ESD: variants seen among roughly 807,000 people sequenced by gnomAD.
ESD encodes S-formylglutathione hydrolase.
ESD carries 34 observed loss-of-function variants against 38.1 expected under a neutral mutation model. The observed-to-expected ratio is 0.89, with a 90% CI of 0.68 to 1.19. The LOEUF is 1.19. ESD is among the 50% of genes most tolerant of loss of function. ESD has a pLI of 0.00. For missense variants in ESD, 334 were observed against 327.2 expected (o/e 1.02, Z -0.16); for synonymous variants, 97 against 107.0 (o/e 0.91, Z 0.58).
intron 4 of ESD, 133 bp downstream of exon 4, chr13:46,786,888 T>C (rs1875211341): frequency 2.3e-6 from 1 of 427,228 alleles, no homozygotes; most frequent in South Asian, 9.1e-5. Context: ...AGTAACAGAG[T>C]AGACTATGAC....
At position 46,791,253 on chromosome 13, in the gene ESD, G is replaced by T. The variant is rs997167; in HGVS notation, c.68+93C>A. 110,530 of 859,686 alleles carry T rather than the reference G, an allele frequency of 0.13. 9,670 individuals are homozygous for T. The highest frequency in any genetic ancestry group is 0.38 in the East Asian group (14,433 of 37,988). 53.3% of individuals were successfully genotyped at this position (859,686 alleles called of 1,614,324 possible). On this transcript the variant is annotated intron_variant, in intron 3 of 9. Coordinates refer to ENST00000378720, the MANE Select transcript of ESD (RefSeq NM_001984.2). ...TAAGCAAGTTTAAAAGTAAAATGAGGTACTATAATATCTAGATAAAGATTG... is the reference window on the plus strand; with the variant it reads ...TAAGCAAGTTTAAAAGTAAAATGAGTTACTATAATATCTAGATAAAGATTG...
At chr13:46,773,553 T>G (rs1874687531) in intron 9 of ESD, among the ~76,000 whole-genome samples, 1 of 152,148 alleles carries the variant, frequency 6.6e-6, no homozygotes, top group South Asian at 2.1e-4. Flanking sequence ...ATAGAGCTAA[T>G]AAAAATATCA....
intron 1 of ESD, among the ~76,000 whole-genome samples, chr13:46,795,758 T>C (rs79812503): frequency 1.0e-5 from 1 of 96,220 alleles, no homozygotes; most frequent in Admixed American, 9.8e-5. Context: ...TTTTTCTTCT[T>C]TTTTTTTTTT....
chr13:46,778,667 C>T (rs967877692), intron 8 of ESD, among the ~76,000 whole-genome samples: 1 of 151,736 alleles, frequency 6.6e-6, no homozygotes, highest in South Asian at 2.1e-4. Flanking sequence ...TCACCATTTT[C>T]GTGACAAAAC....
At chr13:46,772,101 C>T (rs1168536443) in intron 9 of ESD, among the ~76,000 whole-genome samples, 1 of 152,102 alleles carries the variant, frequency 6.6e-6, no homozygotes, top group Non-Finnish European at 1.5e-5. Flanking sequence ...CAAACACAGC[C>T]ATCATAAATC....
chr13:46,775,645 C>T (rs1447953765), intron 9 of ESD: 1 of 470,436 alleles, frequency 2.1e-6, no homozygotes, highest in Non-Finnish European at 4.4e-6. Flanking sequence ...CAACGAATCT[C>T]AACGAAATCC....
chr13:46,790,851 C>T (rs41284191), intron 3 of ESD, among the ~76,000 whole-genome samples: 2 of 152,064 alleles, frequency 1.3e-5, no homozygotes, highest in Non-Finnish European at 2.9e-5. Context: ...CATTTGTATT[C>T]CTGCTTCTAA....
At chr13:46,791,503 A>G in intron 2 of ESD, 83 bp from the exon 3 acceptor site, 1 of 981,330 alleles carries the variant, frequency 1.0e-6, no homozygotes, top group Admixed American at 2.4e-5. Flanking sequence ...CTTCAGATAA[A>G]TTATCTGAAC....
At chr13:46,787,247 G>T (rs1339496532) in intron 3 of ESD, 138 bp from the exon 4 acceptor site, 4 of 482,206 alleles carry the variant, frequency 8.3e-6, no homozygotes, top group Non-Finnish European at 1.1e-5. Context: ...AAAATAAGTG[G>T]TTCCACTAAC....
chr13:46,781,396 A>G, intron 7 of ESD, 100 bp downstream of exon 7: 1 of 1,115,468 alleles, frequency 9.0e-7, no homozygotes, highest in Non-Finnish European at 1.2e-6. Flanking sequence ...AGAAAAGTTT[A>G]GTTCCAATAC....
At chr13:46,778,058 T>A (rs533489627) in intron 8 of ESD, among the ~76,000 whole-genome samples, 7 of 152,000 alleles carry the variant, frequency 4.6e-5, no homozygotes, top group African/African-American at 1.7e-4. Context: ...TCTTTTTTTT[T>A]ATGTCTCTTC....
intron 1 of ESD, among the ~76,000 whole-genome samples, chr13:46,794,616 T>C (rs903766373): frequency 7.9e-5 from 12 of 152,172 alleles, no homozygotes; most frequent in African/African-American, 2.2e-4. Context: ...AAGTTTTCCA[T>C]AAATCTCTAC....
At position 46,783,700 on chromosome 13, in the gene ESD, A is replaced by C. The variant is rs115185023; in HGVS notation, c.256+552T>G. ...CCAGCCATATAACTTCCCTAGTTTT[A>C]CTGCCATTTAAATTCCATTTCCTGA... On this transcript the variant is annotated intron_variant, in intron 5 of 9. Transcript: ENST00000378720. 6.2e-3 allele frequency among the ~76,000 whole-genome samples: 950 copies of C among 152,084 alleles called. 11 individuals are homozygous for C. The highest frequency in any genetic ancestry group is 0.021 in the African/African-American group (887 of 41,534).
chr13:46,775,440 T>C (rs1309727340), intron 9 of ESD: 2 of 284,532 alleles, frequency 7.0e-6, no homozygotes, highest in Non-Finnish European at 1.4e-5. Flanking sequence ...ATATCCCCTA[T>C]TATTTTCAGC....
rs746426710 is a variant in ESD, at chr13:46,784,232, T to C, written c.256+20A>G. ...AAGATTTAGATTTTTACAAAGGATA[T>C]CTAGACCACAAACACTTACGAGGGC... is the stretch of plus-strand genomic sequence containing the variant. On this transcript the variant is annotated intron_variant, in intron 5 of 9. Transcript: ENST00000378720. 16 of 1,582,412 alleles carry C rather than the reference T, an allele frequency of 1.0e-5. No homozygotes were observed. In the Middle Eastern group the frequency reaches 1.2e-3, roughly 115 times the overall value.
At position 46,775,388 on chromosome 13, in the gene ESD, G is replaced by C. The variant is rs555048054; in HGVS notation, c.768+2068C>G. Reference sequence around the variant, plus strand: ...AGTTGAGTAAATCATGTGCATGATTGTAATTATTTTCTTTATTCTTTCTCA... The same window carrying C: ...AGTTGAGTAAATCATGTGCATGATTCTAATTATTTTCTTTATTCTTTCTCA... On this transcript the variant is annotated intron_variant, in intron 9 of 9. Coordinates refer to ENST00000378720, the MANE Select transcript of ESD (RefSeq NM_001984.2). The C allele has an allele frequency of 1.6e-3, 360 of 218,910 alleles. 3 individuals are homozygous for C. In the Middle Eastern group the frequency reaches 0.018, roughly 11 times the overall value. 13.6% of individuals were successfully genotyped at this position (218,910 alleles called of 1,614,324 possible). A position where few individuals can be genotyped will look rare whatever the true frequency, so the allele number is the denominator to read the frequency against.
rs541992406 is a variant in ESD at position 46,785,337 on chromosome 13, C to T, written c.158-987G>A. Among the ~76,000 whole-genome samples the T allele has an allele frequency of 1.3e-4, 20 of 152,060 alleles. 1 individual carries two copies. In the South Asian group the frequency reaches 4.1e-3, roughly 32 times the overall value. Reference sequence around the variant, plus strand: ...GATTTGGTTTGTTTATACTTTTTGGCTATTATAATAGTGTGCCATGAACAT... The same window carrying T: ...GATTTGGTTTGTTTATACTTTTTGGTTATTATAATAGTGTGCCATGAACAT... On this transcript the variant is annotated intron_variant, in intron 4 of 9. Coordinates refer to ENST00000378720, the MANE Select transcript of ESD (RefSeq NM_001984.2).
intron 1 of ESD, among the ~76,000 whole-genome samples, chr13:46,794,157 C>CAAAAAA (rs59985081): frequency 1.7e-3 from 249 of 146,296 alleles, no homozygotes; most frequent in African/African-American, 4.5e-3. Context: ...CCTTCCCCTC[C>CAAAAAA]AAAAAACAAC....
At chr13:46,786,732 G>A (rs1271361744) in intron 4 of ESD, among the ~76,000 whole-genome samples, 2 of 151,940 alleles carry the variant, frequency 1.3e-5, no homozygotes, top group African/African-American at 4.8e-5. Flanking sequence ...AGAAATGCTT[G>A]GGTAGGTCCA....
Sources: gnomAD v4.1 joint callset for allele counts (sites outside exome capture counted in the v4.1 genomes callset) on GRCh38, gnomAD v4.1.1 for gene constraint, MANE v1.5 for transcripts, NCBI Gene and HGNC (gene_info 2026-07-23, HGNC 2026-07-21) for gene names.